The following ARHGAP15 variants were observed in gnomAD, a reference collection of about 807,000 sequenced individuals.
ARHGAP15 encodes rho GTPase-activating protein 15.
ARHGAP15 carries 51 observed loss-of-function variants against 63.7 expected under a neutral mutation model. The observed-to-expected ratio is 0.80, with a 90% CI of 0.64 to 1.01. The LOEUF (loss-of-function observed/expected upper bound fraction) is 1.01. Among genes scored for constraint, ARHGAP15 ranks in the 50% least tolerant of loss-of-function variants. ARHGAP15 has a pLI of 0.00. For missense variants in ARHGAP15, 560 were observed against 564.6 expected (o/e 0.99, Z 0.08); for synonymous variants, 191 against 193.8 (o/e 0.99, Z 0.12).
intron 6 of ARHGAP15, among the ~76,000 whole-genome samples, chr2:143,421,864 T>C (rs773641941): frequency 6.6e-6 from 1 of 150,496 alleles, no homozygotes; most frequent in Non-Finnish European, 1.5e-5. Flanking sequence ...GATACCTAGA[T>C]GACAGAAAGA....
chr2:143,426,087 G>A (rs1689128052), intron 6 of ARHGAP15, among the ~76,000 whole-genome samples: 1 of 152,150 alleles, frequency 6.6e-6, no homozygotes, highest in Non-Finnish European at 1.5e-5. Context: ...CAGGAATCAT[G>A]TGGGAATAGT....
chr2:143,434,356 A>G (rs766291134), intron 6 of ARHGAP15, among the ~76,000 whole-genome samples: 12 of 152,140 alleles, frequency 7.9e-5, no homozygotes, highest in Non-Finnish European at 1.5e-4. Flanking sequence ...GAGTTTTTCT[A>G]AAAACAAATG....
At chr2:143,498,436 A>G (rs536852078) in intron 9 of ARHGAP15, among the ~76,000 whole-genome samples, 13 of 152,048 alleles carry the variant, frequency 8.5e-5, no homozygotes, top group Non-Finnish European at 1.8e-4. Flanking sequence ...CAATAGGGAG[A>G]GGTATATCTC....
intron 11 of ARHGAP15, chr2:143,571,735 C>G (rs1696463733): frequency 6.6e-6 from 1 of 152,142 alleles, no homozygotes; most frequent in African/African-American, 2.4e-5. Flanking sequence ...GAGCAAGTAC[C>G]CCACTCCCTC....
rs765945989 is a variant in ARHGAP15, at chr2:143,445,153, A to ACTTTTT, written c.703+8111_703+8112insCTTTTT. Among the ~76,000 whole-genome samples, 22 of 74,456 alleles carry ACTTTTT rather than the reference A, an allele frequency of 3.0e-4. 1 individual carries two copies. Among genetic ancestry groups the ACTTTTT allele is most frequent in the East Asian group, 9.8e-4 (2 of 2,036 alleles). The allele number at this position is 74,456 out of a possible 152,430, so 48.8% of individuals were successfully genotyped here. A position where few individuals can be genotyped will look rare whatever the true frequency, so the allele number is the denominator to read the frequency against. ...TTGAAGTCAAAGATTAAGAACAATT[A>ACTTTTT]TTTTTTTTTTTTTTTTTTTTTTTTT... On this transcript the variant is annotated intron_variant, in intron 8 of 13. Coordinates refer to ENST00000295095, the MANE Select transcript of ARHGAP15 (RefSeq NM_018460.4).
chr2:143,200,562 T>A (rs1692074155), intron 2 of ARHGAP15, among the ~76,000 whole-genome samples: 1 of 152,008 alleles, frequency 6.6e-6, no homozygotes, highest in South Asian at 2.1e-4. Flanking sequence ...TCTTTCTCTC[T>A]CTCTCTCATC....
At position 143,430,124 on chromosome 2, in the gene ARHGAP15, T is replaced by C. The variant is rs184732583; in HGVS notation, c.475-5477T>C. 1.1e-4 allele frequency among the ~76,000 whole-genome samples: 17 copies of C among 152,046 alleles called. No homozygotes were observed. The East Asian group carries it at 3.3e-3, about 29-fold the overall frequency. ...AAAGTAAACAAACTTTTCAAAACTT[T>C]CATGACAGATGGGGATTACAAATGC... On this transcript the variant is annotated intron_variant, in intron 6 of 13. Coordinates refer to ENST00000295095, the MANE Select transcript of ARHGAP15 (RefSeq NM_018460.4).
intron 11 of ARHGAP15, among the ~76,000 whole-genome samples, chr2:143,616,707 G>A (rs1262523763): frequency 6.6e-6 from 1 of 152,178 alleles, no homozygotes; most frequent in African/African-American, 2.4e-5. Context: ...TCTACGCACA[G>A]GTCTGTCTCC....
intron 8 of ARHGAP15, among the ~76,000 whole-genome samples, chr2:143,443,687 G>GAA (rs1262416273): frequency 6.6e-6 from 1 of 152,074 alleles, no homozygotes; most frequent in Non-Finnish European, 1.5e-5. Context: ...CATTTATGTT[G>GAA]TTAAAGCTGC....
chr2:143,651,961 G>A (rs1681188084), intron 12 of ARHGAP15, among the ~76,000 whole-genome samples: 1 of 151,866 alleles, frequency 6.6e-6, no homozygotes, highest in Non-Finnish European at 1.5e-5. Context: ...TGGATACAGT[G>A]GAAATACCAT....
chr2:143,162,438 G>T (rs1690336481), intron 2 of ARHGAP15: 1 of 151,940 alleles, frequency 6.6e-6, no homozygotes. Flanking sequence ...GCAGCACAAG[G>T]GGGCAGAGCA....
chr2:143,422,434 G>A (rs760897670), intron 6 of ARHGAP15, among the ~76,000 whole-genome samples: 111 of 152,178 alleles, frequency 7.3e-4, no homozygotes, highest in Non-Finnish European at 1.2e-3. Context: ...ACTATAGTTG[G>A]GACAACTACT....
At chr2:143,138,923 C>G (rs931427677) in intron 1 of ARHGAP15, among the ~76,000 whole-genome samples, 1 of 152,076 alleles carries the variant, frequency 6.6e-6, no homozygotes, top group Non-Finnish European at 1.5e-5. Context: ...TCTCATTTAA[C>G]TTTTCCAATG....
intron 12 of ARHGAP15, among the ~76,000 whole-genome samples, chr2:143,640,067 T>C (rs1680532694): frequency 6.6e-6 from 1 of 152,166 alleles, no homozygotes; most frequent in South Asian, 2.1e-4. Flanking sequence ...AAACTGGGTA[T>C]AAATTGTCTC....
intron 5 of ARHGAP15, among the ~76,000 whole-genome samples, chr2:143,249,542 G>A (rs1022545522): frequency 1.8e-4 from 28 of 152,076 alleles, no homozygotes; most frequent in African/African-American, 6.8e-4. Context: ...TATGGACAAT[G>A]ACTTGAGAAA....
At chr2:143,309,924 C>T (rs1260080560) in intron 6 of ARHGAP15, among the ~76,000 whole-genome samples, 1 of 151,220 alleles carries the variant, frequency 6.6e-6, no homozygotes, top group African/African-American at 2.4e-5. Context: ...TAGATAATAG[C>T]TTTGTTGCAT....
At chr2:143,297,700 A>G (rs561706448) in intron 6 of ARHGAP15, among the ~76,000 whole-genome samples, 1 of 152,100 alleles carries the variant, frequency 6.6e-6, no homozygotes, top group East Asian at 1.9e-4. Flanking sequence ...TAAAAGGAAA[A>G]GTCTTCCTGT....
intron 12 of ARHGAP15, among the ~76,000 whole-genome samples, chr2:143,666,150 A>G (rs992984705): frequency 7.9e-5 from 12 of 151,534 alleles, no homozygotes; most frequent in Admixed American, 3.3e-4. Context: ...GAGGCATCAC[A>G]CTACCTGACT....
At chr2:143,138,280 G>A (rs550826070) in intron 1 of ARHGAP15, among the ~76,000 whole-genome samples, 19 of 152,074 alleles carry the variant, frequency 1.2e-4, no homozygotes, top group Non-Finnish European at 2.2e-4. Flanking sequence ...CTAAGGTTAA[G>A]AGATTAAATA....
Sources: allele counts gnomAD v4.1 joint callset (sites outside exome capture counted in the v4.1 genomes callset), GRCh38; gene constraint gnomAD v4.1.1; transcripts MANE v1.5; gene names NCBI Gene and HGNC (gene_info 2026-07-23, HGNC 2026-07-21).